ODAD2: variants seen among roughly 807,000 people sequenced by gnomAD.
ODAD2 encodes the protein outer dynein arm-docking complex subunit 2.
A neutral mutation model predicts 106.8 loss-of-function variants in ODAD2; 89 were observed. The ratio of observed to expected loss-of-function variants is 0.83; its 90% CI spans 0.70 to 0.99. The LOEUF (loss-of-function observed/expected upper bound fraction) is 0.99, where lower values mean the gene tolerates loss of function less well. Among genes scored for constraint, ODAD2 ranks in the 50% least tolerant of loss-of-function variants. The probability of loss-of-function intolerance (pLI) is 0.00; values close to 1 mark genes in which losing one functional copy is unlikely to be tolerated. For synonymous variants in ODAD2, 404 were observed against 436.2 expected, an observed-to-expected ratio of 0.93 and a Z score of 0.92; for missense variants, 1,168 against 1,238.5, an observed-to-expected ratio of 0.94 and a Z score of 0.85.
chr10:27,904,607 T>C lies in ODAD2; in HGVS notation c.2610+3056A>G, dbSNP rs562840020. ...ATTCTGTACTTTCTATCCTATTCCA[T>C]TGGTCTGTCTGCCTGTTCACATGGC... On this transcript the variant is annotated intron_variant, in intron 17 of 19. Coordinates refer to ENST00000305242, the MANE Select transcript of ODAD2 (RefSeq NM_018076.5). Among the ~76,000 whole-genome samples, 6 of 152,370 alleles carry C rather than the reference T, an allele frequency of 3.9e-5. No homozygotes were observed. In the East Asian group the frequency reaches 1.2e-3, roughly 29 times the overall value.
chr10:27,994,837 G>A, intron 2 of ODAD2, 82 bp downstream of exon 2: 2 of 1,468,146 alleles, frequency 1.4e-6, no homozygotes, highest in Non-Finnish European at 1.8e-6. Context: ...GAGGTTAGGT[G>A]ACTTGCCCCC....
At chr10:27,839,463 A>G (rs749958564) in intron 19 of ODAD2, among the ~76,000 whole-genome samples, 1 of 152,202 alleles carries the variant, frequency 6.6e-6, no homozygotes, top group Non-Finnish European at 1.5e-5. Flanking sequence ...TGTTGCTATG[A>G]AGTTTTTGAG....
intron 16 of ODAD2, among the ~76,000 whole-genome samples, chr10:27,908,371 C>G (rs377478647): frequency 2.0e-5 from 3 of 152,128 alleles, no homozygotes; most frequent in East Asian, 3.9e-4. Flanking sequence ...ACACTGTAAT[C>G]AAAATAGCTT....
chr10:27,994,531 A>G (rs1182201828), intron 2 of ODAD2, among the ~76,000 whole-genome samples: 1 of 152,050 alleles, frequency 6.6e-6, no homozygotes, highest in African/African-American at 2.4e-5. Flanking sequence ...GGAATTTGAG[A>G]CCACCCTGGG....
chr10:27,949,568 T>C (rs1280123274), intron 10 of ODAD2, among the ~76,000 whole-genome samples: 1 of 152,202 alleles, frequency 6.6e-6, no homozygotes, highest in Non-Finnish European at 1.5e-5. Context: ...GAGCATGGCA[T>C]GCTTAGCACC....
intron 19 of ODAD2, among the ~76,000 whole-genome samples, chr10:27,818,987 C>T (rs778224510): frequency 2.0e-5 from 3 of 152,164 alleles, no homozygotes; most frequent in Non-Finnish European, 2.9e-5. Flanking sequence ...TTAACCCAAC[C>T]TTCTCATATG....
intron 9 of ODAD2, among the ~76,000 whole-genome samples, chr10:27,963,320 T>TCTAAATATATTTAGAAA: frequency 1.3e-5 from 2 of 152,194 alleles, no homozygotes; most frequent in East Asian, 3.9e-4. Flanking sequence ...CCCAGGCACT[T>TCTAAATATATTTAGAAA]TATATTCATT....
chr10:27,923,639 C>T (rs150249772), intron 16 of ODAD2, among the ~76,000 whole-genome samples: 41 of 152,130 alleles, frequency 2.7e-4, no homozygotes, highest in Non-Finnish European at 5.7e-4. Context: ...AAACTCTACA[C>T]TCTGTTGATA....
At chr10:27,914,702 G>A (rs1014929542) in intron 16 of ODAD2, among the ~76,000 whole-genome samples, 2 of 150,104 alleles carry the variant, frequency 1.3e-5, no homozygotes, top group Non-Finnish European at 2.9e-5. Flanking sequence ...ATATATATGT[G>A]TGTGTATATA....
chr10:27,827,379 CTATATA>C (rs10580710), intron 19 of ODAD2, among the ~76,000 whole-genome samples: 10,286 of 132,148 alleles, frequency 0.078, 454 homozygotes, highest in Middle Eastern at 0.11. Context: ...CACACACACA[CTATATA>C]TATATATATA....
chr10:27,970,795 C>T (rs1261391785), intron 8 of ODAD2, among the ~76,000 whole-genome samples: 1 of 151,938 alleles, frequency 6.6e-6, no homozygotes, highest in African/African-American at 2.4e-5. Flanking sequence ...ATAACCCTGT[C>T]TCTACTAAAA....
At chr10:27,938,116 T>G (rs1252303571) in intron 14 of ODAD2, among the ~76,000 whole-genome samples, 1 of 152,052 alleles carries the variant, frequency 6.6e-6, no homozygotes, top group African/African-American at 2.4e-5. Context: ...TTTTTGTATT[T>G]TTAGTAGAGA....
chr10:27,907,925 G>A, intron 16 of ODAD2, 148 bp from the exon 17 acceptor site: 4 of 577,840 alleles, frequency 6.9e-6, no homozygotes, highest in South Asian at 2.1e-5. Context: ...CAACAGTAGG[G>A]AGATAACATG....
At chr10:27,933,503 G>A (rs1308786014) in intron 16 of ODAD2, among the ~76,000 whole-genome samples, 7 of 152,102 alleles carry the variant, frequency 4.6e-5, no homozygotes, top group Admixed American at 2.6e-4. Context: ...AACTGAAAAG[G>A]GAGGCGGAGA....
intron 19 of ODAD2, among the ~76,000 whole-genome samples, chr10:27,814,515 C>T (rs1835978053): frequency 6.6e-6 from 1 of 152,214 alleles, no homozygotes. Flanking sequence ...TTCAGCCTTC[C>T]ACCTTCAGAG....
chr10:27,852,960 CAAAAAAA>C (rs61548333), intron 19 of ODAD2, among the ~76,000 whole-genome samples: 1 of 84,756 alleles, frequency 1.2e-5, no homozygotes, highest in Non-Finnish European at 2.3e-5. Context: ...GACACAGTCT[CAAAAAAA>C]AAAAAAAAAA....
At chr10:27,943,574 C>T (rs1047947513) in intron 12 of ODAD2, among the ~76,000 whole-genome samples, 1 of 151,810 alleles carries the variant, frequency 6.6e-6, no homozygotes, top group Admixed American at 6.6e-5. Flanking sequence ...ATTACCTGAG[C>T]TCAGGAGTTC....
At chr10:27,892,371 A>G (rs1333656793) in intron 17 of ODAD2, among the ~76,000 whole-genome samples, 1 of 152,192 alleles carries the variant, frequency 6.6e-6, no homozygotes, top group Non-Finnish European at 1.5e-5. Flanking sequence ...ATAGACTAAA[A>G]AAGACCGTGC....
intron 17 of ODAD2, 44 bp downstream of exon 17, chr10:27,907,619 G>A: frequency 7.3e-7 from 1 of 1,372,796 alleles, no homozygotes; most frequent in Non-Finnish European, 1.0e-6. Context: ...TTTCAGTATA[G>A]TATTAGAGAT....
Sources: allele counts gnomAD v4.1 joint callset (sites outside exome capture counted in the v4.1 genomes callset), GRCh38; gene constraint gnomAD v4.1.1; transcripts MANE v1.5; gene names NCBI Gene and HGNC (gene_info 2026-07-23, HGNC 2026-07-21).